The following MROH1 variants were observed in gnomAD, a reference collection of about 807,000 sequenced individuals.
MROH1 encodes the protein maestro heat like repeat family member 1.
A neutral mutation model predicts 116.5 loss-of-function variants in MROH1; 117 were observed. That is an observed-to-expected ratio of 1.00 (90% confidence interval 0.86 to 1.17). The LOEUF (loss-of-function observed/expected upper bound fraction) is 1.17, where lower values mean the gene tolerates loss of function less well. Ranked by LOEUF, MROH1 falls within the 50% of genes most tolerant of loss-of-function variation. MROH1 has a pLI of 0.00. For synonymous variants in MROH1, 921 were observed against 583.9 expected (o/e 1.58, Z -8.32); for missense variants, 1,873 against 1,338.5 (o/e 1.40, Z -6.23).
intron 4 of MROH1, 73 bp downstream of exon 4, chr8:144,168,513 G>C: frequency 1.3e-6 from 2 of 1,528,392 alleles, no homozygotes; most frequent in South Asian, 2.5e-5. Context: ...TTTGGGAAGA[G>C]ACAGTCCAGC....
intron 10 of MROH1, among the ~76,000 whole-genome samples, chr8:144,198,894 G>C (rs552616209): frequency 6.6e-6 from 1 of 152,116 alleles, no homozygotes; most frequent in Non-Finnish European, 1.5e-5. Flanking sequence ...CTCCCCCACC[G>C]TAAGGAGATG....
At chr8:144,171,215 C>T (rs543960096) in intron 4 of MROH1, among the ~76,000 whole-genome samples, 8 of 152,308 alleles carry the variant, frequency 5.3e-5, no homozygotes, top group Admixed American at 2.0e-4. Context: ...TGCTTCTGAC[C>T]GACCTGCCAT....
chr8:144,155,203 A>G (rs1407923240), intron 1 of MROH1, among the ~76,000 whole-genome samples: 1 of 152,210 alleles, frequency 6.6e-6, no homozygotes, highest in African/African-American at 2.4e-5. Flanking sequence ...CGCCTGCTTC[A>G]GCCTCCCAAA....
rs150550502 is a variant in MROH1 at position 144,231,544 on chromosome 8, G to A, written c.1339-7212G>A. On this transcript the variant is annotated intron_variant, in intron 14 of 43. Transcript: ENST00000326134. ...ACCCTAGCAGAGGGCGAGAGGTGGG[G>A]AGTGGCTGGCCAGTGGGTCAGGACA... 2.4e-3 allele frequency among the ~76,000 whole-genome samples: 372 copies of A among 152,312 alleles called. 1 individual carries two copies. The highest frequency in any genetic ancestry group is 0.01 in the Middle Eastern group (3 of 294).
intron 14 of MROH1, among the ~76,000 whole-genome samples, chr8:144,225,446 C>T (rs768219867): frequency 2.6e-4 from 38 of 148,460 alleles, no homozygotes; most frequent in Non-Finnish European, 3.4e-4. Flanking sequence ...TGGGATTATA[C>T]GTATGGGCCT....
At chr8:144,255,066 C>T (rs1004111276) in intron 34 of MROH1, 88 bp downstream of exon 34, 10 of 653,092 alleles carry the variant, frequency 1.5e-5, no homozygotes, top group Middle Eastern at 4.0e-4. Context: ...ATGAGGTGGC[C>T]CGGACGCCAC....
chr8:144,222,441 AG>A (rs747170335), intron 13 of MROH1, among the ~76,000 whole-genome samples: 4 of 152,200 alleles, frequency 2.6e-5, no homozygotes, highest in Non-Finnish European at 5.9e-5. Context: ...GCTGCCTTCC[AG>A]GGGCAAAGGG....
At chr8:144,206,744 TC>T (rs1003835576) in intron 12 of MROH1, among the ~76,000 whole-genome samples, 1 of 148,332 alleles carries the variant, frequency 6.7e-6, no homozygotes, top group African/African-American at 2.5e-5. Context: ...TTTTAAATTG[TC>T]CTCTTTGCCA....
intron 4 of MROH1, among the ~76,000 whole-genome samples, chr8:144,176,565 G>A (rs1160217046): frequency 7.4e-5 from 11 of 148,310 alleles, no homozygotes; most frequent in African/African-American, 2.5e-4. Context: ...AATTTGGCCC[G>A]GTATGATGGC....
chr8:144,259,145 C>T (rs1261114732), intron 36 of MROH1, 95 bp from the exon 37 acceptor site: 6 of 695,390 alleles, frequency 8.6e-6, no homozygotes, highest in East Asian at 5.4e-5. Flanking sequence ...TGGCAGCTGG[C>T]GGTGGAGCGG....
At chr8:144,224,275 T>A (rs571901932) in intron 14 of MROH1, among the ~76,000 whole-genome samples, 79 of 152,078 alleles carry the variant, frequency 5.2e-4, no homozygotes, top group African/African-American at 1.7e-3. Context: ...TAATAATAAT[T>A]ATTATTATTT....
chr8:144,260,559 C>A lies in MROH1; in HGVS notation c.4381-118C>A, dbSNP rs890650661. ...AGCCCCCACCCGTAAGGCCCCCACC[C>A]GTCGGGGTGTTTCCTGGCCCGGGTC... On this transcript the variant is annotated intron_variant, in intron 39 of 43. Coordinates refer to ENST00000326134, the MANE Select transcript of MROH1 (RefSeq NM_032450.3). 8.4e-5 allele frequency: 64 copies of A among 759,160 alleles called. No homozygotes were observed. In the Admixed American group the frequency reaches 9.4e-4, roughly 11 times the overall value. The allele number at this position is 759,160 out of a possible 1,614,324, so 47.0% of individuals were successfully genotyped here. A position where few individuals can be genotyped will look rare whatever the true frequency, so the allele number is the denominator to read the frequency against.
At chr8:144,177,050 G>A (rs1412858875) in intron 4 of MROH1, among the ~76,000 whole-genome samples, 1 of 152,156 alleles carries the variant, frequency 6.6e-6, no homozygotes, top group Non-Finnish European at 1.5e-5. Context: ...TCTTCCCCTG[G>A]AGAATTGGCA....
At position 144,163,976 on chromosome 8, in the gene MROH1, G is replaced by C. The variant is rs1031087837; in HGVS notation, c.22+128G>C. 1.0e-6 allele frequency: 1 copy of C among 957,268 alleles called. No individual in the cohort carries two copies. The highest frequency in any genetic ancestry group is 1.5e-6 in the Non-Finnish European group (1 of 646,592). The allele number at this position is 957,268 out of a possible 1,614,324, so 59.3% of individuals were successfully genotyped here. A position where few individuals can be genotyped will look rare whatever the true frequency, so the allele number is the denominator to read the frequency against. On this transcript the variant is annotated intron_variant, in intron 3 of 43. Transcript: ENST00000326134. The surrounding 1 kb of genome is among the most constrained non-coding windows in gnomAD (Gnocchi z 4.4). The stretch of plus-strand genomic sequence containing the variant: ...TTCCACCCTATACTCGGGAGCCTGA[G>C]TGGGTTCTGGGCAGGTTGGGTGATG...
intron 7 of MROH1, among the ~76,000 whole-genome samples, chr8:144,185,521 C>T (rs1393506362): frequency 7.6e-6 from 1 of 131,894 alleles, no homozygotes; most frequent in Non-Finnish European, 1.6e-5. Context: ...GCGCGGGGAC[C>T]GCGGGGAGAT....
At chr8:144,148,325 G>C (rs1271724292) in intron 1 of MROH1, among the ~76,000 whole-genome samples, 3 of 152,156 alleles carry the variant, frequency 2.0e-5, no homozygotes, top group Non-Finnish European at 4.4e-5. Flanking sequence ...CCTCCTCTGC[G>C]CCGCTAAGTC....
chr8:144,253,790 A>G (rs1843229837), intron 33 of MROH1, among the ~76,000 whole-genome samples: 1 of 151,830 alleles, frequency 6.6e-6, no homozygotes, highest in Non-Finnish European at 1.5e-5. Context: ...TTAGTATCCT[A>G]GTTCAGTGGA....
intron 12 of MROH1, among the ~76,000 whole-genome samples, chr8:144,217,854 G>A (rs1003847661): frequency 6.6e-6 from 1 of 152,136 alleles, no homozygotes; most frequent in East Asian, 1.9e-4. Context: ...GCATTGTCAG[G>A]ATCCCTCTGG....
intron 29 of MROH1, among the ~76,000 whole-genome samples, chr8:144,246,945 G>T (rs988713055): frequency 6.6e-6 from 1 of 152,202 alleles, no homozygotes; most frequent in Non-Finnish European, 1.5e-5. Flanking sequence ...GGCAGAGCCC[G>T]TGCACTCCTC....
Sources: gnomAD v4.1 joint callset for allele counts (sites outside exome capture counted in the v4.1 genomes callset) on GRCh38, gnomAD v4.1.1 for gene constraint, Gnocchi (gnomAD v3.1) non-coding constraint, MANE v1.5 for transcripts, NCBI Gene and HGNC (gene_info 2026-07-23, HGNC 2026-07-21) for gene names.